Variants in HMCES observed in about 807,000 individuals in gnomAD.
HMCES encodes the protein 5-hydroxymethylcytosine binding, ES cell specific, also known as abasic site processing protein HMCES.
In HMCES, 27 loss-of-function variants were observed where a neutral mutation model predicts 35.1. That is an observed-to-expected ratio of 0.77 (90% CI 0.57 to 1.06). The LOEUF (loss-of-function observed/expected upper bound fraction) is 1.06. Ranked by LOEUF, HMCES falls within the 50% of genes least tolerant of loss-of-function variation. The pLI is 0.00. For missense variants in HMCES, 391 were observed against 430.4 expected, an observed-to-expected ratio of 0.91 and a Z score of 0.81; for synonymous variants, 130 against 154.7, an observed-to-expected ratio of 0.84 and a Z score of 1.18.
Position 129,290,760 on chromosome 3 carries a change from A to G in HMCES, c.409A>G (p.Arg137Gly). The change falls in exon 4 of 7, where the codon AGG becomes GGG. Residue 137 changes from arginine (R) to glycine (G), a missense_variant. By Grantham distance (125) the Arg-to-Gly change is moderately radical (BLOSUM62 -2). Transcript: ENST00000383463. ...GCAGCGATGTCAGGGAACAAACCAGAGGCAGCCATACTTCATCTATTTTCC... is the reference window on the plus strand; with the variant it reads ...GCAGCGATGTCAGGGAACAAACCAGGGGCAGCCATACTTCATCTATTTTCC... ...EWQRCQGTNQ[R>G]QPYFIYFPQI... 1 of 1,613,316 alleles carries G rather than the reference A, an allele frequency of 6.2e-7. No homozygotes were observed. The highest frequency in any genetic ancestry group is 8.5e-7 in the Non-Finnish European group (1 of 1,179,326).
rs1181234720 is a variant in HMCES, at chr3:129,304,580, T to G, written c.829-9T>G. 6.2e-7 allele frequency: 1 copy of G among 1,612,516 alleles called. No homozygotes were observed. The highest frequency in any genetic ancestry group is 8.5e-7 in the Non-Finnish European group (1 of 1,178,762). ...CTGTATGGTTTGAGCTTTTTCCTCT[T>G]TCTTGTAGGAGCTCAGGGCAAGTGG... On this transcript the variant is annotated splice_polypyrimidine_tract_variant and intron_variant, in intron 6 of 6. Coordinates refer to ENST00000383463, the MANE Select transcript of HMCES (RefSeq NM_020187.3).
At chr3:129,301,898 T>TC in intron 5 of HMCES, 52 bp from the exon 6 acceptor site, 1 of 1,448,326 alleles carries the variant, frequency 6.9e-7, no homozygotes, top group Non-Finnish European at 9.5e-7. Flanking sequence ...CTCCCTTCTC[T>TC]CCTTATTCTC....
At chr3:129,300,044 T>C (rs2071143511) in intron 5 of HMCES, among the ~76,000 whole-genome samples, 1 of 151,930 alleles carries the variant, frequency 6.6e-6, no homozygotes. Context: ...TCATTTTTCT[T>C]CCAGGATCTT....
At chr3:129,299,720 C>T (rs910760410) in intron 5 of HMCES, among the ~76,000 whole-genome samples, 1 of 140,094 alleles carries the variant, frequency 7.1e-6, no homozygotes, top group Admixed American at 7.8e-5. Flanking sequence ...GGTGCGATCT[C>T]GGCTCACTGC....
chr3:129,305,156 T>C lies in HMCES; in HGVS notation c.*331T>C, dbSNP rs937969420. The C allele has an allele frequency of 7.4e-6, 2 of 271,052 alleles. No individual in the cohort carries two copies. The highest frequency in any genetic ancestry group is 1.4e-5 in the Non-Finnish European group (2 of 143,826). The allele number at this position is 271,052 out of a possible 1,614,324, so 16.8% of individuals were successfully genotyped here. A position where few individuals can be genotyped will look rare whatever the true frequency, so the allele number is the denominator to read the frequency against. ...GTCTCTGCCCTGATCTGGTACTCCTTGTAGTAAGCTGTTTTCTGCTCAGCC... is the reference window on the plus strand; with the variant it reads ...GTCTCTGCCCTGATCTGGTACTCCTCGTAGTAAGCTGTTTTCTGCTCAGCC... On this transcript the variant is annotated 3_prime_UTR_variant, in exon 7 of 7. Transcript: ENST00000383463.
intron 2 of HMCES, among the ~76,000 whole-genome samples, chr3:129,283,537 C>G (rs1380254853): frequency 6.6e-6 from 1 of 151,934 alleles, no homozygotes; most frequent in East Asian, 1.9e-4. Context: ...GGTCTCAAGA[C>G]TCTTGAGCTC....
At chr3:129,296,722 G>T (rs1187896740) in intron 4 of HMCES, among the ~76,000 whole-genome samples, 1 of 152,072 alleles carries the variant, frequency 6.6e-6, no homozygotes, top group Non-Finnish European at 1.5e-5. Flanking sequence ...GTCAGGAATT[G>T]AACTGGGTTT....
intron 4 of HMCES, among the ~76,000 whole-genome samples, chr3:129,293,991 A>C (rs1215910572): frequency 6.6e-6 from 1 of 152,116 alleles, no homozygotes; most frequent in African/African-American, 2.4e-5. Context: ...ATTGGGTTAA[A>C]ATCCATTGTT....
At chr3:129,294,122 C>T (rs1467809461) in intron 4 of HMCES, among the ~76,000 whole-genome samples, 1 of 151,908 alleles carries the variant, frequency 6.6e-6, no homozygotes, top group East Asian at 1.9e-4. Context: ...TTTTGCCTCT[C>T]AAAAAATGTC....
rs542196151 is a variant in HMCES at position 129,298,674 on chromosome 3, A to G, written c.635+139A>G. The G allele has an allele frequency of 4.8e-5, 34 of 708,206 alleles. No homozygotes were observed. In the South Asian group the frequency reaches 5.2e-4, roughly 11 times the overall value. 43.9% of individuals were successfully genotyped at this position (708,206 alleles called of 1,614,324 possible). On this transcript the variant is annotated intron_variant, in intron 5 of 6. Coordinates refer to ENST00000383463, the MANE Select transcript of HMCES (RefSeq NM_020187.3). ...AATCAGTTTGACTCTAACATGACAT[A>G]CATTCCTAAAAATCACTGTACTATG...
rs556968312 is a variant in HMCES at position 129,304,034 on chromosome 3, TGTAC to T, written c.829-554_829-551del. 2.5e-4 allele frequency among the ~76,000 whole-genome samples: 38 copies of T among 152,244 alleles called. 1 individual carries two copies. In the East Asian group the frequency reaches 7.1e-3, roughly 29 times the overall value. ...TGCTGGGATTACAGGCATGCACCAC[TGTAC>T]CTAGCCCTGCCATGGTGTTTACTCC... On this transcript the variant is annotated intron_variant, in intron 6 of 6. Transcript: ENST00000383463.
chr3:129,285,960 C>T (rs984818500), intron 2 of HMCES, among the ~76,000 whole-genome samples: 4 of 151,760 alleles, frequency 2.6e-5, no homozygotes, highest in African/African-American at 9.7e-5. Context: ...AAACTCCTGA[C>T]CTGAGGTGAT....
chr3:129,300,403 T>C (rs1023138036), intron 5 of HMCES, among the ~76,000 whole-genome samples: 3 of 152,178 alleles, frequency 2.0e-5, no homozygotes, highest in African/African-American at 7.2e-5. Flanking sequence ...CTCTCTACTG[T>C]ATCAGTGGCA....
chr3:129,294,662 T>TA (rs1410336010), intron 4 of HMCES, among the ~76,000 whole-genome samples: 7 of 152,162 alleles, frequency 4.6e-5, no homozygotes, highest in African/African-American at 7.2e-5. Context: ...TTTAGAGTGG[T>TA]AAAAAATAAG....
chr3:129,284,631 G>A (rs1475770002), intron 2 of HMCES, among the ~76,000 whole-genome samples: 14 of 152,194 alleles, frequency 9.2e-5, no homozygotes, highest in Non-Finnish European at 1.6e-4. Context: ...TTGGCCGGGC[G>A]CAGTGGCTCA....
chr3:129,301,191 CAAAAAAAAAAAAAAAGAAG>C (rs2071163345), intron 5 of HMCES, among the ~76,000 whole-genome samples: 1 of 92,992 alleles, frequency 1.1e-5, no homozygotes, highest in Admixed American at 1.2e-4. Context: ...GACTCTGTCT[CAAAAAAAAAAAAAAAGAAG>C]AAAAAAAAAA....
At chr3:129,293,945 G>T (rs1489798124) in intron 4 of HMCES, among the ~76,000 whole-genome samples, 2 of 151,978 alleles carry the variant, frequency 1.3e-5, no homozygotes, top group African/African-American at 4.8e-5. Context: ...TTTAATTTGT[G>T]TTTAGAACAT....
chr3:129,293,756 C>T (rs2071053844), intron 4 of HMCES, among the ~76,000 whole-genome samples: 1 of 151,708 alleles, frequency 6.6e-6, no homozygotes, highest in Non-Finnish European at 1.5e-5. Context: ...TTAGTAGAGA[C>T]AGGGTTTCAC....
intron 4 of HMCES, among the ~76,000 whole-genome samples, chr3:129,293,624 G>A (rs1465594480): frequency 7.5e-6 from 1 of 133,290 alleles, no homozygotes; most frequent in Non-Finnish European, 1.5e-5. Flanking sequence ...AGGATGGAGT[G>A]CAATGGTGTG....
Sources: allele counts gnomAD v4.1 joint callset (sites outside exome capture counted in the v4.1 genomes callset), GRCh38; gene constraint gnomAD v4.1.1; transcripts MANE v1.5; gene names NCBI Gene and HGNC (gene_info 2026-07-23, HGNC 2026-07-21).